Variants in USP53 observed in about 807,000 individuals in gnomAD.
USP53 encodes the protein ubiquitin carboxyl-terminal hydrolase 53.
Under a neutral mutation model 94.9 loss-of-function variants are expected in USP53, and 71 were observed. The ratio of observed to expected loss-of-function variants is 0.75; its 90% confidence interval spans 0.62 to 0.91. The LOEUF (loss-of-function observed/expected upper bound fraction) is 0.91, where lower values mean the gene tolerates loss of function less well. Among genes scored for constraint, USP53 ranks in the 40% least tolerant of loss-of-function variants. USP53 has a pLI of 0.00. For synonymous variants in USP53, 375 were observed against 422.7 expected (o/e 0.89, Z 1.39); for missense variants, 1,173 against 1,281.0 (o/e 0.92, Z 1.29).
chr4:119,287,063 C>T (rs1057000827), intron 17 of USP53, among the ~76,000 whole-genome samples: 1 of 152,016 alleles, frequency 6.6e-6, no homozygotes, highest in African/African-American at 2.4e-5. Flanking sequence ...ACTTGTCTTG[C>T]ACCACTGAGT....
intron 3 of USP53, among the ~76,000 whole-genome samples, chr4:119,231,434 T>C (rs1358539298): frequency 1.3e-5 from 2 of 152,206 alleles, no homozygotes; most frequent in Non-Finnish European, 2.9e-5. Context: ...GAGGGTATAA[T>C]AGTATGATTA....
chr4:119,287,970 G>T (rs1485278922), intron 17 of USP53, among the ~76,000 whole-genome samples: 1 of 152,158 alleles, frequency 6.6e-6, no homozygotes, highest in African/African-American at 2.4e-5. Flanking sequence ...AAGGGGAATT[G>T]TTTCACAGAA....
Position 119,271,292 on chromosome 4 carries a change from TAAG to T in USP53, c.1436-2_1436del, listed in dbSNP as rs1578529965. The T allele has an allele frequency of 3.9e-6, 6 of 1,533,210 alleles. No homozygotes were observed. Among genetic ancestry groups the T allele is most frequent in the Non-Finnish European group, 3.5e-6 (4 of 1,145,926 alleles). 95.0% of individuals were successfully genotyped at this position (1,533,210 alleles called of 1,614,324 possible). ...CATGTGTATCTTTAATTTTTTTTTT[TAAG>T]ATTTGGTTGATGAAGACCTTTCACA... On this transcript the variant is annotated splice_acceptor_variant and splice_polypyrimidine_tract_variant and intron_variant, in intron 15 of 18. Transcript: ENST00000692078. LOFTEE classifies it high-confidence loss of function.
At chr4:119,291,143 T>TGGGCCC in intron 17 of USP53, 22 bp from the exon 18 acceptor site, 2 of 747,554 alleles carry the variant, frequency 2.7e-6, no homozygotes, top group Admixed American at 2.7e-5. Flanking sequence ...TCATCTCTTC[T>TGGGCCC]CCCCACCCCA....
chr4:119,267,378 T>G lies in USP53; in HGVS notation c.1031T>G (p.Leu344Arg). Residue 344 changes from leucine to arginine, a missense_variant, in exon 13 of 19, where the codon CTA becomes CGA. Coordinates refer to ENST00000692078, the MANE Select transcript of USP53 (RefSeq NM_001371395.1). Reference protein sequence around the residue: ...SKCIRCHFQPLLLFYANPDGT... With the variant: ...SKCIRCHFQPRLLFYANPDGT... Reference sequence around the variant, plus strand: ...TGCATTCGATGCCACTTTCAGCCACTACTTTTGTTTTATGCAAACCCAGAT... The same window carrying G: ...TGCATTCGATGCCACTTTCAGCCACGACTTTTGTTTTATGCAAACCCAGAT... 1 of 1,614,160 alleles carries G rather than the reference T, an allele frequency of 6.2e-7. No homozygotes were observed. The highest frequency in any genetic ancestry group is 1.1e-5 in the South Asian group (1 of 91,088).
intron 5 of USP53, 57 bp from the exon 6 acceptor site, chr4:119,245,280 G>A: frequency 6.5e-7 from 1 of 1,534,322 alleles, no homozygotes; most frequent in Non-Finnish European, 9.0e-7. Flanking sequence ...TCTGTCTTTT[G>A]TTACAGTAAG....
chr4:119,261,778 T>C lies in USP53; in HGVS notation c.886T>C (p.Cys296Arg). ...TGAACTTAACCTTGTTGGTATGATC[T>C]GCTACACCAGCCAACATTATTGTGC... ...NSELNLVGMI[C>R]YTSQHYCAFA... is the part of the protein sequence containing the mutation. Residue 296 changes from cysteine to arginine, a missense_variant, in exon 12 of 19, where the codon TGC (cysteine) becomes CGC (arginine). Coordinates refer to ENST00000692078, the MANE Select transcript of USP53 (RefSeq NM_001371395.1). The C allele has an allele frequency of 6.5e-7, 1 of 1,544,388 alleles. No individual in the cohort carries two copies. The highest frequency in any genetic ancestry group is 1.7e-5 in the Admixed American group (1 of 57,864).
In USP53 at chr4:119,289,737, T is replaced by A. The variant is rs77766075; in HGVS notation, c.2252-1428T>A. Among the ~76,000 whole-genome samples, 1,037 of 152,302 alleles carry A rather than the reference T, an allele frequency of 6.8e-3. 15 individuals carry two copies. The highest frequency in any genetic ancestry group is 0.024 in the African/African-American group (984 of 41,580). On this transcript the variant is annotated intron_variant, in intron 17 of 18. Coordinates refer to ENST00000692078, the MANE Select transcript of USP53 (RefSeq NM_001371395.1). Reference sequence around the variant, plus strand: ...ATTGGTGCCCCAGGACCCTTGTGCCTTAGTAAAGGAAAAAGCTCCCTGTAG... The same window carrying A: ...ATTGGTGCCCCAGGACCCTTGTGCCATAGTAAAGGAAAAAGCTCCCTGTAG...
Position 119,213,660 on chromosome 4 carries a change from A to ATATATGTGTGTGTGTGTGTGTGTGTG in USP53, c.-941-409_-941-408insATATGTGTGTGTGTGTGTGTGTGTGT. Among the ~76,000 whole-genome samples the ATATATGTGTGTGTGTGTGTGTGTGTG allele has an allele frequency of 1.1e-3, 134 of 117,772 alleles. 1 individual carries two copies. Among genetic ancestry groups the ATATATGTGTGTGTGTGTGTGTGTGTG allele is most frequent in the African/African-American group, 4.6e-3 (127 of 27,784 alleles). The allele number at this position is 117,772 out of a possible 152,430, so 77.3% of individuals were successfully genotyped here. On this transcript the variant is annotated intron_variant, in intron 1 of 18. Coordinates refer to ENST00000692078, the MANE Select transcript of USP53 (RefSeq NM_001371395.1). ...GAAATAGATATATATATATATATAT[A>ATATATGTGTGTGTGTGTGTGTGTGTG]TGTGTGTGTGTGTATGTATGTATGT...
chr4:119,268,843 A>G (rs1197575008), intron 14 of USP53, among the ~76,000 whole-genome samples: 1 of 152,032 alleles, frequency 6.6e-6, no homozygotes, highest in African/African-American at 2.4e-5. Context: ...TTTTTATTCA[A>G]CTCTGTCTTG....
chr4:119,261,031 C>T (rs1355273163), intron 11 of USP53, among the ~76,000 whole-genome samples: 2 of 136,502 alleles, frequency 1.5e-5, no homozygotes, highest in Non-Finnish European at 3.0e-5. Flanking sequence ...GCAATCTTGG[C>T]TCACTACAAC....
intron 3 of USP53, among the ~76,000 whole-genome samples, chr4:119,232,790 A>G (rs1349744317): frequency 6.6e-6 from 1 of 152,154 alleles, no homozygotes; most frequent in African/African-American, 2.4e-5. Flanking sequence ...TATGAGGTTT[A>G]TCATGTTTTG....
chr4:119,253,062 C>T (rs755682119), intron 7 of USP53, among the ~76,000 whole-genome samples: 22 of 152,160 alleles, frequency 1.4e-4, no homozygotes, highest in Middle Eastern at 6.8e-3. Context: ...GATTCTTAAT[C>T]CTGATTTCTA....
intron 3 of USP53, among the ~76,000 whole-genome samples, chr4:119,227,132 A>G (rs1745356247): frequency 6.6e-6 from 1 of 152,120 alleles, no homozygotes; most frequent in South Asian, 2.1e-4. Context: ...GTGCCTGGCT[A>G]TAATCAATTA....
intron 5 of USP53, among the ~76,000 whole-genome samples, chr4:119,243,135 CTAAT>C (rs939053271): frequency 1.3e-5 from 2 of 152,118 alleles, no homozygotes; most frequent in Admixed American, 6.5e-5. Flanking sequence ...TTGCTAGAAA[CTAAT>C]TAGTTCAATA....
intron 17 of USP53, among the ~76,000 whole-genome samples, chr4:119,281,747 CAGG>C (rs1224071081): frequency 1.3e-5 from 2 of 152,158 alleles, no homozygotes; most frequent in African/African-American, 4.8e-5. Context: ...AAGAACTTTG[CAGG>C]AGGTTTCCTC....
At chr4:119,217,106 A>G (rs909193997) in intron 2 of USP53, among the ~76,000 whole-genome samples, 3 of 152,176 alleles carry the variant, frequency 2.0e-5, no homozygotes, top group Non-Finnish European at 4.4e-5. Context: ...ATATCAGAGG[A>G]GGAATAAAAT....
intron 7 of USP53, 140 bp from the exon 8 acceptor site, chr4:119,256,106 T>G (rs549708413): frequency 1.7e-6 from 1 of 594,736 alleles, no homozygotes; most frequent in Non-Finnish European, 2.9e-6. Flanking sequence ...AAGTGTTGAT[T>G]AGAGAGGAAA....
chr4:119,223,066 TAATA>T (rs1304245796), intron 3 of USP53, among the ~76,000 whole-genome samples: 1 of 152,204 alleles, frequency 6.6e-6, no homozygotes, highest in African/African-American at 2.4e-5. Flanking sequence ...TATATGCACA[TAATA>T]AATTTTGAGA....
Sources: allele counts gnomAD v4.1 joint callset (sites outside exome capture counted in the v4.1 genomes callset), GRCh38; gene constraint gnomAD v4.1.1; transcripts MANE v1.5; gene names NCBI Gene and HGNC (gene_info 2026-07-23, HGNC 2026-07-21).